HHIP: variants seen among roughly 807,000 people sequenced by gnomAD.
HHIP encodes hedgehog-interacting protein.
A neutral mutation model predicts 74.0 loss-of-function variants in HHIP; 12 were observed. That is an observed-to-expected ratio of 0.16 (90% CI 0.10 to 0.26). HHIP has a LOEUF of 0.26. HHIP is among the 10% of genes least tolerant of loss of function. The probability of loss-of-function intolerance (pLI) is 1.00; values close to 1 mark genes in which losing one functional copy is unlikely to be tolerated. For synonymous variants in HHIP, 309 were observed against 311.6 expected (o/e 0.99, Z 0.09); for missense variants, 788 against 845.0 (o/e 0.93, Z 0.84).
chr4:144,652,956 C>G (rs1179770744), intron 2 of HHIP, among the ~76,000 whole-genome samples, 159 bp downstream of exon 2: 2 of 152,080 alleles, frequency 1.3e-5, no homozygotes, highest in Non-Finnish European at 2.9e-5. Context: ...ATAACTTTTA[C>G]TGCCTCTAAA....
chr4:144,675,787 G>A (rs62343967), intron 4 of HHIP, among the ~76,000 whole-genome samples: 1 of 152,040 alleles, frequency 6.6e-6, no homozygotes, highest in Non-Finnish European at 1.5e-5. Context: ...TTTAACCAGA[G>A]AATGTTTAGG....
At chr4:144,690,999 T>A (rs1729645824) in intron 4 of HHIP, among the ~76,000 whole-genome samples, 2 of 152,278 alleles carry the variant, frequency 1.3e-5, no homozygotes, top group South Asian at 4.1e-4. Context: ...CCAGCATTAA[T>A]AAGGGCAGTT....
chr4:144,733,355 G>A (rs1313368656), intron 11 of HHIP, among the ~76,000 whole-genome samples: 1 of 152,106 alleles, frequency 6.6e-6, no homozygotes, highest in African/African-American at 2.4e-5. Flanking sequence ...GACATAGAGT[G>A]GGACTTTTCT....
intron 4 of HHIP, among the ~76,000 whole-genome samples, chr4:144,686,104 C>T (rs932520350): frequency 5.9e-5 from 9 of 152,192 alleles, no homozygotes; most frequent in African/African-American, 2.2e-4. Context: ...TAAACAACTG[C>T]TTTCTTGGAA....
chr4:144,702,566 C>A (rs1279079222), intron 4 of HHIP, among the ~76,000 whole-genome samples: 1 of 152,174 alleles, frequency 6.6e-6, no homozygotes, highest in Admixed American at 6.5e-5. Context: ...TTTGTGCTTG[C>A]TGTCCAGTAG....
intron 4 of HHIP, among the ~76,000 whole-genome samples, chr4:144,700,575 G>A (rs1729946100): frequency 6.6e-6 from 1 of 152,158 alleles, no homozygotes; most frequent in African/African-American, 2.4e-5. Context: ...AAGTGGAAGA[G>A]GAAGACAAAG....
At chr4:144,651,039 T>A (rs1728414198) in intron 1 of HHIP, 1 of 152,122 alleles carries the variant, frequency 6.6e-6, no homozygotes, top group African/African-American at 2.4e-5. Flanking sequence ...GACTGCCATA[T>A]GATAAACAAA....
Position 144,715,319 on chromosome 4 carries a change from C to A in HHIP, c.1567C>A (p.Gln523Lys). ...DRNGNFLTLQ[Q>K]SPVTKQWQEK... is the part of the protein sequence containing the mutation. ...TTGTAGGAATTTCCTAACTCTCCAG[C>A]AAAGTCCTGTGACAAAGCAGTGGCA... is the stretch of plus-strand genomic sequence containing the variant. Residue 523 changes from glutamine to lysine, a missense_variant, in exon 10 of 13, where the codon CAA becomes AAA. Transcript: ENST00000296575. 1 of 1,612,256 alleles carries A rather than the reference C, an allele frequency of 6.2e-7. No homozygotes were observed. Among genetic ancestry groups the A allele is most frequent in the Non-Finnish European group, 8.5e-7 (1 of 1,178,724 alleles).
At chr4:144,690,140 G>A in intron 4 of HHIP, among the ~76,000 whole-genome samples, 1 of 152,170 alleles carries the variant, frequency 6.6e-6, no homozygotes, top group East Asian at 1.9e-4. Flanking sequence ...TGAAAGAGAA[G>A]ATAATTGTGT....
intron 4 of HHIP, among the ~76,000 whole-genome samples, chr4:144,698,773 G>A (rs1460440178): frequency 6.6e-6 from 1 of 152,158 alleles, no homozygotes; most frequent in Non-Finnish European, 1.5e-5. Flanking sequence ...AAAGCCAAAA[G>A]AGTGGATTAC....
At chr4:144,659,394 A>G (rs1009432799) in intron 3 of HHIP, among the ~76,000 whole-genome samples, 4 of 152,234 alleles carry the variant, frequency 2.6e-5, no homozygotes, top group Admixed American at 2.6e-4. Flanking sequence ...GACATTTGAA[A>G]ATATATACAT....
In HHIP at chr4:144,739,820, G is replaced by A. The variant is rs563606497; in HGVS notation, c.*1863G>A. 2.6e-5 allele frequency: 4 copies of A among 152,162 alleles called. No individual in the cohort carries two copies. The highest frequency in any genetic ancestry group is 9.7e-5 in the African/African-American group (4 of 41,436). 9.4% of individuals were successfully genotyped at this position (152,162 alleles called of 1,614,324 possible). Reference sequence around the variant, plus strand: ...AATTGCCCTCTTACCCCAGAAAAGGGGTGGTCCCTTCTAGTCACACTAACA... The same window carrying A: ...AATTGCCCTCTTACCCCAGAAAAGGAGTGGTCCCTTCTAGTCACACTAACA... On this transcript the variant is annotated 3_prime_UTR_variant, in exon 13 of 13. Coordinates refer to ENST00000296575, the MANE Select transcript of HHIP (RefSeq NM_022475.3).
chr4:144,695,731 G>T (rs1322051274), intron 4 of HHIP, among the ~76,000 whole-genome samples: 1 of 151,618 alleles, frequency 6.6e-6, no homozygotes, highest in Non-Finnish European at 1.5e-5. Context: ...TTCAATTTTA[G>T]AACAAAAATT....
rs201351386 is a variant in HHIP, at chr4:144,718,912, C to T, written c.1716C>T (p.Thr572=). Residue 572 remains threonine, a synonymous_variant, in exon 11 of 13, where the codon ACC becomes ACT. Coordinates refer to ENST00000296575, the MANE Select transcript of HHIP (RefSeq NM_022475.3). ...TTTTATCAAGCAGTAAAAGTATGAC[C>T]CAGACTCACAATGGAAAACTCTACA... ...VYILSSSKSM[T]QTHNGKLYKI... is the part of the protein sequence containing the mutation. 192 of 1,610,680 alleles carry T rather than the reference C, an allele frequency of 1.2e-4. No individual in the cohort carries two copies. Among genetic ancestry groups the T allele is most frequent in the Middle Eastern group, 9.9e-4 (6 of 6,042 alleles).
intron 2 of HHIP, among the ~76,000 whole-genome samples, chr4:144,654,156 TG>T (rs1242666032): frequency 2.6e-5 from 4 of 152,106 alleles, no homozygotes; most frequent in African/African-American, 9.7e-5. Flanking sequence ...GACTTAACTG[TG>T]GGGGTCTTTA....
chr4:144,656,484 T>A (rs2035900), intron 2 of HHIP, among the ~76,000 whole-genome samples: 1 of 152,062 alleles, frequency 6.6e-6, no homozygotes, highest in South Asian at 2.1e-4. Flanking sequence ...AAATTGGAAT[T>A]GACCACCAGC....
chr4:144,665,819 A>G (rs542679407), intron 4 of HHIP, among the ~76,000 whole-genome samples: 87 of 152,332 alleles, frequency 5.7e-4, no homozygotes, highest in Non-Finnish European at 9.0e-4. Context: ...TCTCCAGTTG[A>G]GTAGAGAAAG....
intron 2 of HHIP, among the ~76,000 whole-genome samples, chr4:144,657,521 C>A (rs1354881784): frequency 1.3e-5 from 2 of 152,132 alleles, no homozygotes; most frequent in Admixed American, 1.3e-4. Context: ...GTAATACCGT[C>A]ATATTTTGAG....
intron 4 of HHIP, among the ~76,000 whole-genome samples, chr4:144,667,627 G>A (rs968520079): frequency 6.6e-6 from 1 of 152,104 alleles, no homozygotes; most frequent in Non-Finnish European, 1.5e-5. Context: ...CCCCAGCTCT[G>A]GAGTTTCTCA....
Sources: gnomAD v4.1 joint callset for allele counts (sites outside exome capture counted in the v4.1 genomes callset) on GRCh38, gnomAD v4.1.1 for gene constraint, MANE v1.5 for transcripts, NCBI Gene and HGNC (gene_info 2026-07-23, HGNC 2026-07-21) for gene names.